LEO1: variants seen among roughly 807,000 people sequenced by gnomAD.
The protein encoded by LEO1 is RNA polymerase-associated protein LEO1.
Under a neutral mutation model 80.4 loss-of-function variants are expected in LEO1, and 34 were observed. The observed-to-expected ratio is 0.42, with a 90% CI of 0.32 to 0.56. The LOEUF is 0.56. LEO1 is among the 20% of genes least tolerant of loss of function. The probability of loss-of-function intolerance (pLI) is 0.10; values close to 1 mark genes in which losing one functional copy is unlikely to be tolerated. For missense variants in LEO1, 631 were observed against 814.2 expected, an observed-to-expected ratio of 0.77 and a Z score of 2.74; for synonymous variants, 262 against 274.9, an observed-to-expected ratio of 0.95 and a Z score of 0.46.
chr15:51,946,633 G>A (rs564041301), intron 11 of LEO1, among the ~76,000 whole-genome samples: 4 of 150,540 alleles, frequency 2.7e-5, no homozygotes, highest in African/African-American at 4.9e-5. Flanking sequence ...ATGTCTCACT[G>A]CAGCCTCAAG....
chr15:51,948,214 A>AC (rs1252819391), intron 10 of LEO1, among the ~76,000 whole-genome samples: 1 of 152,108 alleles, frequency 6.6e-6, no homozygotes, highest in African/African-American at 2.4e-5. Flanking sequence ...TCCCGTCAAA[A>AC]CCCAAAGCCT....
intron 3 of LEO1, among the ~76,000 whole-genome samples, chr15:51,961,948 G>A (rs548287371): frequency 6.6e-6 from 1 of 151,906 alleles, no homozygotes; most frequent in Non-Finnish European, 1.5e-5. Flanking sequence ...GAACACTTGA[G>A]ATCAGGAGTT....
At chr15:51,953,630 A>AAAAAC (rs1028356961) in intron 7 of LEO1, among the ~76,000 whole-genome samples, 2 of 152,114 alleles carry the variant, frequency 1.3e-5, no homozygotes, top group African/African-American at 4.8e-5. Flanking sequence ...AAGGAAAAAA[A>AAAAAC]AAAACAAAAC....
intron 1 of LEO1, 72 bp downstream of exon 1, chr15:51,971,616 C>T: frequency 1.3e-6 from 2 of 1,497,196 alleles, no homozygotes; most frequent in South Asian, 1.1e-5. Context: ...GGCGCTGGAG[C>T]CTCCACGGTT....
rs2057074626 is a variant in LEO1, at chr15:51,966,078, G to C, written c.485C>G (p.Ser162Cys). 1 of 1,613,814 alleles carries C rather than the reference G, an allele frequency of 6.2e-7. No individual in the cohort carries two copies. The highest frequency in any genetic ancestry group is 1.3e-5 in the African/African-American group (1 of 74,892). The change falls in exon 2 of 12, where the codon TCT (serine) becomes TGT (cysteine). Residue 162 changes from serine to cysteine, a missense_variant. Ser to Cys is a moderately radical substitution (Grantham distance 112). Coordinates refer to ENST00000299601, the MANE Select transcript of LEO1 (RefSeq NM_138792.4). ...DQSDDEKIQN[S>C]DDEERAQGSD... ...TCCTTGTGCCCTCTCCTCATCATCA[G>C]AATTTTGTATCTTTTCATCATCTGA...
chr15:51,967,050 A>C (rs1338422576), intron 1 of LEO1, among the ~76,000 whole-genome samples: 1 of 152,250 alleles, frequency 6.6e-6, no homozygotes. Flanking sequence ...GTCCAATCTG[A>C]GAAACAGAAA....
chr15:51,950,908 C>A (rs536729620), intron 9 of LEO1, among the ~76,000 whole-genome samples: 1 of 152,286 alleles, frequency 6.6e-6, no homozygotes, highest in East Asian at 1.9e-4. Context: ...GCAGGTTCCT[C>A]CAGTTCCCTT....
chr15:51,964,114 G>A (rs1239132509), intron 2 of LEO1, among the ~76,000 whole-genome samples: 2 of 150,542 alleles, frequency 1.3e-5, no homozygotes, highest in Non-Finnish European at 3.0e-5. Context: ...GCTGAGGCAG[G>A]AGAATGGCGT....
chr15:51,949,386 T>C (rs1213205575), intron 10 of LEO1, among the ~76,000 whole-genome samples: 1 of 152,092 alleles, frequency 6.6e-6, no homozygotes, highest in African/African-American at 2.4e-5. Flanking sequence ...AGGTCACTCA[T>C]GACAACTCGT....
intron 2 of LEO1, among the ~76,000 whole-genome samples, chr15:51,964,824 CTT>C (rs1245900328): frequency 1.3e-5 from 2 of 152,176 alleles, no homozygotes; most frequent in African/African-American, 4.8e-5. Flanking sequence ...ATTAAGGTAA[CTT>C]TTATATAATA....
At chr15:51,946,067 A>G (rs544601946) in intron 11 of LEO1, among the ~76,000 whole-genome samples, 5 of 152,114 alleles carry the variant, frequency 3.3e-5, no homozygotes, top group Admixed American at 3.3e-4. Context: ...CTCAGGGCCT[A>G]TTCTCTTATA....
At chr15:51,970,219 C>G (rs2057111959) in intron 1 of LEO1, among the ~76,000 whole-genome samples, 2 of 152,162 alleles carry the variant, frequency 1.3e-5, no homozygotes, top group African/African-American at 4.8e-5. Context: ...TGAAGTGATG[C>G]AATCTCAGCT....
intron 3 of LEO1, among the ~76,000 whole-genome samples, chr15:51,962,126 G>A (rs1240875327): frequency 6.6e-6 from 1 of 150,802 alleles, no homozygotes; most frequent in Non-Finnish European, 1.5e-5. Flanking sequence ...TTGCACCACT[G>A]CACTCCAGCG....
At chr15:51,950,406 C>G (rs1417282943) in intron 9 of LEO1, among the ~76,000 whole-genome samples, 2 of 152,222 alleles carry the variant, frequency 1.3e-5, no homozygotes, top group African/African-American at 4.8e-5. Context: ...TGATCTGCCC[C>G]AGCTCTACCA....
intron 11 of LEO1, among the ~76,000 whole-genome samples, chr15:51,943,527 C>G (rs1000288774): frequency 6.6e-6 from 1 of 150,922 alleles, no homozygotes; most frequent in African/African-American, 2.4e-5. Flanking sequence ...TGGTGAAACC[C>G]CGTCTCTACT....
intron 4 of LEO1, 72 bp from the exon 5 acceptor site, chr15:51,960,116 A>G: frequency 2.4e-6 from 3 of 1,242,746 alleles, no homozygotes; most frequent in Non-Finnish European, 3.4e-6. Flanking sequence ...CCACACTTTA[A>G]TTACTCTGGG....
At chr15:51,945,925 T>G (rs1429881806) in intron 11 of LEO1, among the ~76,000 whole-genome samples, 1 of 151,712 alleles carries the variant, frequency 6.6e-6, no homozygotes, top group Non-Finnish European at 1.5e-5. Context: ...TCCCAGCTAC[T>G]CGGGAGGCTG....
chr15:51,942,883 C>T (rs1482994417), intron 11 of LEO1, among the ~76,000 whole-genome samples: 4 of 146,514 alleles, frequency 2.7e-5, no homozygotes, highest in African/African-American at 1.0e-4. Context: ...GATGGCACCA[C>T]TGCAATCCAG....
intron 7 of LEO1, 108 bp downstream of exon 7, chr15:51,954,373 C>T: frequency 1.4e-6 from 1 of 696,554 alleles, no homozygotes; most frequent in Non-Finnish European, 2.5e-6. Context: ...CAGAGTGAGA[C>T]CCCATTTCTA....
Sources: allele counts gnomAD v4.1 joint callset (sites outside exome capture counted in the v4.1 genomes callset), GRCh38; gene constraint gnomAD v4.1.1; transcripts MANE v1.5; gene names NCBI Gene and HGNC (gene_info 2026-07-23, HGNC 2026-07-21).